The following NLGN4X variants were observed in gnomAD, a reference collection of about 807,000 sequenced individuals.
NLGN4X encodes the protein neuroligin-4, X-linked.
In NLGN4X, 3 loss-of-function variants were observed where a neutral mutation model predicts 40.3. The ratio of observed to expected loss-of-function variants is 0.07; its 90% CI spans 0.03 to 0.19. NLGN4X has a LOEUF of 0.19. NLGN4X is among the 10% of genes least tolerant of loss of function. NLGN4X has a pLI of 1.00. For synonymous variants in NLGN4X, 270 were observed against 306.8 expected, an observed-to-expected ratio of 0.88 and a Z score of 1.25; for missense variants, 382 against 708.3, an observed-to-expected ratio of 0.54 and a Z score of 5.23.
intron 2 of NLGN4X, among the ~76,000 whole-genome samples, chrX:6,048,357 G>T (rs1271551294): frequency 9.0e-6 from 1 of 111,451 alleles, no homozygotes; most frequent in African/African-American, 3.3e-5. Context: ...ATCAAGCTCA[G>T]GGCAACTCCA....
At chrX:6,198,932 T>C (rs1167945653) in intron 1 of NLGN4X, among the ~76,000 whole-genome samples, 2 of 111,970 alleles carry the variant, frequency 1.8e-5, no homozygotes, top group Admixed American at 9.5e-5. Context: ...CTCAGAGGGA[T>C]TTTTAAGTTA....
intron 5 of NLGN4X, among the ~76,000 whole-genome samples, chrX:5,898,045 A>C (rs1220076722): frequency 8.4e-5 from 6 of 71,763 alleles, no homozygotes; most frequent in Admixed American, 2.0e-4. Flanking sequence ...CTCTCCCTCC[A>C]TTTTTTCCTT....
intron 1 of NLGN4X, among the ~76,000 whole-genome samples, chrX:6,197,854 A>G (rs1214601711): frequency 9.1e-6 from 1 of 109,978 alleles, no homozygotes; most frequent in Admixed American, 9.7e-5. Context: ...GCTTCAGCTC[A>G]GGAATTTGAG....
intron 1 of NLGN4X, among the ~76,000 whole-genome samples, chrX:6,215,119 T>C (rs1316725906): frequency 8.9e-6 from 1 of 112,821 alleles, no homozygotes; most frequent in Non-Finnish European, 1.9e-5. Context: ...TTTTGAAAAT[T>C]AAATAATGCA....
intron 2 of NLGN4X, among the ~76,000 whole-genome samples, chrX:6,133,721 T>C (rs1446776995): frequency 8.9e-6 from 1 of 111,755 alleles, no homozygotes; most frequent in Non-Finnish European, 1.9e-5. Flanking sequence ...TGGAAAAAAT[T>C]CATAGCAAGT....
intron 3 of NLGN4X, among the ~76,000 whole-genome samples, chrX:6,005,887 A>C (rs1219229527): frequency 9.0e-6 from 1 of 111,059 alleles, no homozygotes; most frequent in Non-Finnish European, 1.9e-5. Flanking sequence ...AATTCCCCTA[A>C]AAATCATTTA....
intron 2 of NLGN4X, among the ~76,000 whole-genome samples, chrX:6,111,469 T>C (rs902567604): frequency 8.9e-6 from 1 of 111,797 alleles, no homozygotes; most frequent in Non-Finnish European, 1.9e-5. Flanking sequence ...CTGGGCAAAG[T>C]GGCTCATACC....
intron 3 of NLGN4X, among the ~76,000 whole-genome samples, chrX:5,998,712 C>T (rs2035896895): frequency 9.0e-6 from 1 of 111,718 alleles, no homozygotes; most frequent in Non-Finnish European, 1.9e-5. Context: ...ATTTTAAACA[C>T]TGGGGAAAAA....
At chrX:6,141,566 G>A (rs2039947870) in intron 2 of NLGN4X, among the ~76,000 whole-genome samples, 1 of 111,836 alleles carries the variant, frequency 8.9e-6, no homozygotes, top group Admixed American at 9.5e-5. Context: ...GCTCACACCT[G>A]TAATCCCAGC....
At chrX:6,174,984 T>C (rs2040692452) in intron 1 of NLGN4X, among the ~76,000 whole-genome samples, 1 of 111,889 alleles carries the variant, frequency 8.9e-6, no homozygotes, top group Admixed American at 9.5e-5. Context: ...TATCTTTGTG[T>C]CCTCATTCTG....
chrX:5,945,457 G>A (rs2034091202), intron 3 of NLGN4X, among the ~76,000 whole-genome samples: 1 of 112,253 alleles, frequency 8.9e-6, no homozygotes, highest in African/African-American at 3.2e-5. Flanking sequence ...TAGGCTGACT[G>A]AATGCCTTGT....
chrX:5,980,201 C>A (rs2147062024), intron 3 of NLGN4X, among the ~76,000 whole-genome samples: 1 of 105,192 alleles, frequency 9.5e-6, no homozygotes, highest in Admixed American at 1.0e-4. Context: ...ATGTCTAATA[C>A]CATATATACT....
intron 3 of NLGN4X, among the ~76,000 whole-genome samples, chrX:6,014,072 C>T (rs1173173384): frequency 1.8e-5 from 2 of 108,384 alleles, no homozygotes; most frequent in Non-Finnish European, 3.8e-5. Context: ...GTCCCAGCTA[C>T]TCGGGAGGCT....
chrX:6,183,424 G>C (rs750398503), intron 1 of NLGN4X, among the ~76,000 whole-genome samples: 1 of 110,768 alleles, frequency 9.0e-6, no homozygotes. Context: ...GTGGGCGCCT[G>C]TAGTCCCAGC....
chrX:6,144,020 G>A (rs1477316666), intron 2 of NLGN4X, among the ~76,000 whole-genome samples: 2 of 112,035 alleles, frequency 1.8e-5, no homozygotes, highest in Admixed American at 9.5e-5. Context: ...GAAGTTGGGG[G>A]ATCACTTGCG....
intron 1 of NLGN4X, among the ~76,000 whole-genome samples, chrX:6,165,897 T>TA (rs1288584306): frequency 1.8e-5 from 2 of 111,420 alleles, no homozygotes; most frequent in Admixed American, 9.6e-5. Flanking sequence ...GTTGTTTTGA[T>TA]ACAGGCATGC....
Position 5,893,192 on chromosome X carries a change from A to G in NLGN4X, c.2076T>C (p.Ala692=), listed in dbSNP as rs4405053. Residue 692 remains alanine, a synonymous_variant, in exon 6 of 6, where the codon GCT becomes GCC. Coordinates refer to ENST00000381095, the MANE Select transcript of NLGN4X (RefSeq NM_181332.3). The part of the protein sequence containing the change: ...GASLLFLNIL[A]FAALYYKKDK... ...CCTTTTTGTAGTACAGCGCCGCAAAAGCTAAGATGTTGAGGAAGAGGAGCG... is the reference window on the plus strand; with the variant it reads ...CCTTTTTGTAGTACAGCGCCGCAAAGGCTAAGATGTTGAGGAAGAGGAGCG... 9 of 1,209,557 alleles carry G rather than the reference A, an allele frequency of 7.4e-6. No homozygotes were observed. In the African/African-American group the frequency reaches 1.6e-4, roughly 21 times the overall value.
chrX:5,900,378 T>G (rs1427309331), intron 5 of NLGN4X, among the ~76,000 whole-genome samples: 2 of 109,705 alleles, frequency 1.8e-5, no homozygotes, highest in Non-Finnish European at 3.8e-5. Context: ...ATGGTGCACC[T>G]GCAAGGTAGG....
intron 2 of NLGN4X, among the ~76,000 whole-genome samples, chrX:6,113,850 T>C (rs1221917448): frequency 9.0e-6 from 1 of 111,360 alleles, no homozygotes; most frequent in Non-Finnish European, 1.9e-5. Flanking sequence ...GATGGAGTCT[T>C]GCCCTGTCAC....
Sources: gnomAD v4.1 joint callset for allele counts (sites outside exome capture counted in the v4.1 genomes callset) on GRCh38, gnomAD v4.1.1 for gene constraint, MANE v1.5 for transcripts, NCBI Gene and HGNC (gene_info 2026-07-23, HGNC 2026-07-21) for gene names.